RBFOX1: variants seen among roughly 807,000 people sequenced by gnomAD.
The protein encoded by RBFOX1 is RNA binding protein fox-1 homolog 1.
In RBFOX1, 8 loss-of-function variants were observed where a neutral mutation model predicts 57.7. That is an observed-to-expected ratio of 0.14 (90% CI 0.08 to 0.25). RBFOX1 has a LOEUF of 0.25. RBFOX1 is among the 10% of genes least tolerant of loss of function. RBFOX1 has a pLI of 1.00. For missense variants in RBFOX1, 611 were observed against 548.5 expected (o/e 1.11, Z -1.14); for synonymous variants, 326 against 222.4 (o/e 1.47, Z -4.15).
chr16:6,041,642 C>G (rs370287480), intron 1 of RBFOX1, among the ~76,000 whole-genome samples: 41 of 152,244 alleles, frequency 2.7e-4, no homozygotes, highest in Admixed American at 1.3e-3. Context: ...AAACCAAAGC[C>G]TAAGTCTTGA....
intron 4 of RBFOX1, among the ~76,000 whole-genome samples, chr16:7,275,566 T>C (rs2095424526): frequency 6.6e-6 from 1 of 152,228 alleles, no homozygotes; most frequent in Admixed American, 6.5e-5. Context: ...TGGACTTCTT[T>C]AGTGAAAGAT....
chr16:7,604,418 CTT>C (rs890865020), intron 9 of RBFOX1, among the ~76,000 whole-genome samples: 14 of 152,178 alleles, frequency 9.2e-5, no homozygotes, highest in Non-Finnish European at 2.1e-4. Context: ...GTAGAGGAGA[CTT>C]TATCAATTAC....
In RBFOX1 at chr16:7,566,253, G is replaced by C. The variant is rs1403891793; in HGVS notation, c.271-13524G>C. On this transcript the variant is annotated intron_variant, in intron 5 of 15. Coordinates refer to ENST00000550418, the MANE Select transcript of RBFOX1 (RefSeq NM_018723.4). ...TAGTTCAAACCACACAGCTGAAGCA[G>C]CCTGCTTTTGATTGCTTTTTAATTG... Among the ~76,000 whole-genome samples, 4 of 152,254 alleles carry C rather than the reference G, an allele frequency of 2.6e-5. No individual in the cohort carries two copies. The East Asian group carries it at 7.7e-4, about 29-fold the overall frequency.
chr16:7,393,631 A>C (rs1161382009), intron 4 of RBFOX1, among the ~76,000 whole-genome samples: 1 of 152,152 alleles, frequency 6.6e-6, no homozygotes, highest in African/African-American at 2.4e-5. Context: ...AGGGGGAAAC[A>C]TAGCCTCAGC....
intron 3 of RBFOX1, among the ~76,000 whole-genome samples, chr16:5,746,363 C>T (rs1342747564): frequency 6.6e-6 from 1 of 152,182 alleles, no homozygotes; most frequent in Non-Finnish European, 1.5e-5. Context: ...AGTTTGCAGT[C>T]AGGTAGCATG....
chr16:6,784,940 C>T (rs373422080), intron 3 of RBFOX1, among the ~76,000 whole-genome samples: 17 of 152,110 alleles, frequency 1.1e-4, no homozygotes, highest in South Asian at 6.2e-4. Context: ...ATAGCACAAG[C>T]AGTGTTTCTT....
chr16:7,204,891 A>G (rs1449013677), intron 4 of RBFOX1, among the ~76,000 whole-genome samples: 3 of 151,864 alleles, frequency 2.0e-5, no homozygotes, highest in Non-Finnish European at 4.4e-5. Flanking sequence ...ACTGTTTTGG[A>G]TATATTCATC....
intron 1 of RBFOX1, among the ~76,000 whole-genome samples, chr16:5,263,707 C>T (rs2062791168): frequency 1.3e-5 from 2 of 152,060 alleles, no homozygotes; most frequent in Admixed American, 1.3e-4. Context: ...GTACAGTGAT[C>T]TAGGGGTGAG....
intron 1 of RBFOX1, among the ~76,000 whole-genome samples, chr16:6,079,789 T>G (rs7203381): frequency 6.6e-6 from 1 of 151,948 alleles, no homozygotes; most frequent in Non-Finnish European, 1.5e-5. Context: ...GGAGCTGTGA[T>G]TGTGTTACTG....
chr16:5,369,897 A>C (rs1029727), intron 1 of RBFOX1, among the ~76,000 whole-genome samples: 13,671 of 152,090 alleles, frequency 0.09, 1,167 homozygotes, highest in African/African-American at 0.23. Context: ...TTACTTTTGC[A>C]CCAACCTATA....
chr16:6,722,593 G>A (rs914456755), intron 3 of RBFOX1, among the ~76,000 whole-genome samples: 3 of 152,138 alleles, frequency 2.0e-5, no homozygotes, highest in Non-Finnish European at 4.4e-5. Flanking sequence ...GACTTCTTTA[G>A]AATAATCAAG....
intron 3 of RBFOX1, among the ~76,000 whole-genome samples, chr16:6,691,143 C>G (rs1358597125): frequency 6.6e-6 from 1 of 152,170 alleles, no homozygotes; most frequent in Non-Finnish European, 1.5e-5. Context: ...GGAAAGAAAT[C>G]TCCCAACCAT....
At chr16:5,302,250 C>G (rs1206747719) in intron 1 of RBFOX1, among the ~76,000 whole-genome samples, 1 of 152,086 alleles carries the variant, frequency 6.6e-6, no homozygotes, top group African/African-American at 2.4e-5. Context: ...TTCTAGATAA[C>G]TTATTTTTAG....
intron 4 of RBFOX1, among the ~76,000 whole-genome samples, chr16:7,446,513 A>C (rs898483833): frequency 1.3e-5 from 2 of 152,182 alleles, no homozygotes; most frequent in African/African-American, 4.8e-5. Flanking sequence ...TGGAAGAAGC[A>C]AGAAGGTTGG....
chr16:6,409,306 CAG>C (rs1168221013), intron 2 of RBFOX1, among the ~76,000 whole-genome samples: 1 of 152,066 alleles, frequency 6.6e-6, no homozygotes, highest in Non-Finnish European at 1.5e-5. Flanking sequence ...CCCAGTTACT[CAG>C]GGGGCTGAGG....
chr16:5,469,458 C>T (rs188416437), intron 2 of RBFOX1, among the ~76,000 whole-genome samples: 12 of 152,292 alleles, frequency 7.9e-5, no homozygotes, highest in East Asian at 1.9e-4. Context: ...CTTCTGTCTA[C>T]GCTGCCTGAG....
At chr16:7,522,213 G>A (rs1019489928) in intron 5 of RBFOX1, among the ~76,000 whole-genome samples, 5 of 152,196 alleles carry the variant, frequency 3.3e-5, no homozygotes, top group African/African-American at 9.7e-5. Flanking sequence ...CCGAGCTAAA[G>A]GTAGCATGGT....
At chr16:6,063,411 A>C (rs1390524672) in intron 1 of RBFOX1, among the ~76,000 whole-genome samples, 1 of 151,810 alleles carries the variant, frequency 6.6e-6, no homozygotes, top group Non-Finnish European at 1.5e-5. Flanking sequence ...GAAATGGCAG[A>C]CATATTACTT....
intron 4 of RBFOX1, among the ~76,000 whole-genome samples, chr16:5,984,343 C>T (rs1422500377): frequency 6.6e-6 from 1 of 151,202 alleles, no homozygotes; most frequent in Non-Finnish European, 1.5e-5. Flanking sequence ...GTAAGAAAGT[C>T]TTTGCAGTAA....
Sources: gnomAD v4.1 joint callset for allele counts (sites outside exome capture counted in the v4.1 genomes callset) on GRCh38, gnomAD v4.1.1 for gene constraint, MANE v1.5 for transcripts, NCBI Gene and HGNC (gene_info 2026-07-23, HGNC 2026-07-21) for gene names.